Variants in POLQ observed in about 807,000 individuals in gnomAD.
The protein encoded by POLQ is DNA polymerase theta, also known as epididymis secretory sperm binding protein.
In POLQ, 233 loss-of-function variants were observed where a neutral mutation model predicts 259.2. The observed-to-expected ratio is 0.90, with a 90% CI of 0.81 to 1.00. The LOEUF is 1.00. Among genes scored for constraint, POLQ ranks in the 50% least tolerant of loss-of-function variants. The pLI, the probability that POLQ is intolerant of heterozygous loss-of-function variation, is 0.00. For synonymous variants in POLQ, 1,025 were observed against 1,048.8 expected, an observed-to-expected ratio of 0.98 and a Z score of 0.44; for missense variants, 2,871 against 3,051.6, an observed-to-expected ratio of 0.94 and a Z score of 1.39.
rs2048042175 is a variant in POLQ, at chr3:121,489,249, T to C, written c.3682A>G (p.Asn1228Asp). ...MPCEAVSSYI[N>D]RDSNVTINCE... ...TTGATAGTAACATTTGAGTCTCTATTTATGTAACTACTGACTGCTTCACAG... is the reference window on the plus strand; with the variant it reads ...TTGATAGTAACATTTGAGTCTCTATCTATGTAACTACTGACTGCTTCACAG... The change falls in exon 16 of 30, where the codon AAT becomes GAT. Residue 1228 changes from asparagine (N) to aspartate (D), a missense_variant. Around this residue, in one of 3 missense-constraint regions of POLQ, gnomAD observed 2,080 missense variants for 2,126.0 expected, o/e 0.98. Transcript: ENST00000264233. The C allele has an allele frequency of 6.2e-7, 1 of 1,612,822 alleles. No homozygotes were observed.
intron 25 of POLQ, among the ~76,000 whole-genome samples, chr3:121,455,244 G>A (rs2047723154): frequency 6.9e-6 from 1 of 144,060 alleles, no homozygotes; most frequent in South Asian, 2.4e-4. Context: ...TGTGTAGAGG[G>A]AAATTTATAG....
intron 4 of POLQ, among the ~76,000 whole-genome samples, chr3:121,537,452 T>C (rs1226993523): frequency 6.6e-6 from 1 of 152,202 alleles, no homozygotes; most frequent in Non-Finnish European, 1.5e-5. Flanking sequence ...TTTCAACCCT[T>C]GTTCCCTTCT....
intron 2 of POLQ, 138 bp downstream of exon 2, chr3:121,544,589 T>C (rs1576431994): frequency 8.7e-6 from 5 of 573,516 alleles, no homozygotes; most frequent in Admixed American, 3.5e-5. Context: ...AACTCCACTT[T>C]TCACACATAT....
At position 121,519,997 on chromosome 3, in the gene POLQ, A is replaced by G; in HGVS notation, c.1342T>C (p.Ser448Pro). The change falls in exon 9 of 30, where the codon TCT (serine) becomes CCT (proline). Residue 448 changes from serine to proline, a missense_variant. Physicochemically the swap from Ser to Pro is moderately conservative, Grantham distance 74. Around this residue, in one of 3 missense-constraint regions of POLQ, gnomAD observed 783 missense variants for 906.2 expected, o/e 0.86. Coordinates refer to ENST00000264233, the MANE Select transcript of POLQ (RefSeq NM_199420.4). ...CGACGTGCAGGTAAATTCACCCCAG[A>G]AGAAAGAGTAGAAGTTGCCGCCAAG... ...RVLAATSTLS[S>P]GVNLPARRVI... The G allele has an allele frequency of 1.9e-6, 3 of 1,613,378 alleles. No individual in the cohort carries two copies. Among genetic ancestry groups the G allele is most frequent in the Non-Finnish European group, 2.5e-6 (3 of 1,179,304 alleles).
In POLQ at chr3:121,485,039, A is replaced by ACC. The variant is rs1163589884; in HGVS notation, c.5773_5773+1dup. On this transcript the variant is annotated splice_donor_variant, in intron 17 of 29. Coordinates refer to ENST00000264233, the MANE Select transcript of POLQ (RefSeq NM_199420.4). LOFTEE classifies it high-confidence loss of function. The stretch of plus-strand genomic sequence containing the variant: ...TGACTTAGCCAAATACTCATTACTT[A>ACC]CCAGAATGCTTTTGTTCCTTCTGCA... 6.2e-7 allele frequency: 1 copy of ACC among 1,608,102 alleles called. No homozygotes were observed. The highest frequency in any genetic ancestry group is 8.5e-7 in the Non-Finnish European group (1 of 1,177,534).
At chr3:121,501,594 G>A (rs2048168689) in intron 12 of POLQ, among the ~76,000 whole-genome samples, 1 of 147,476 alleles carries the variant, frequency 6.8e-6, no homozygotes, top group African/African-American at 2.5e-5. Context: ...CCCGGGAGGC[G>A]GAGCTTGCAG....
intron 6 of POLQ, among the ~76,000 whole-genome samples, chr3:121,532,740 C>T (rs1003673234): frequency 9.9e-5 from 15 of 151,994 alleles, no homozygotes; most frequent in Admixed American, 2.0e-4. Context: ...CACATGTTGG[C>T]CATGATGGTC....
At chr3:121,531,112 G>A (rs112086020) in intron 6 of POLQ, among the ~76,000 whole-genome samples, 11 of 152,198 alleles carry the variant, frequency 7.2e-5, no homozygotes, top group Non-Finnish European at 1.3e-4. Context: ...ACTTGAACCC[G>A]GGAGGCGGAG....
At position 121,540,300 on chromosome 3, in the gene POLQ, T is replaced by A. The variant is rs554932365; in HGVS notation, c.475-711A>T. On this transcript the variant is annotated intron_variant, in intron 3 of 29. Transcript: ENST00000264233. ...TAACCCACAGGGCTAAGGGTTAACA[T>A]CCTAATTTTACAAATAAAAAAACTG... is the stretch of plus-strand genomic sequence containing the variant. 1.4e-4 allele frequency among the ~76,000 whole-genome samples: 22 copies of A among 152,310 alleles called. No individual in the cohort carries two copies. The South Asian group carries it at 4.3e-3, about 30-fold the overall frequency.
intron 4 of POLQ, among the ~76,000 whole-genome samples, chr3:121,537,746 A>T (rs73179919): frequency 6.6e-6 from 1 of 152,222 alleles, no homozygotes; most frequent in Non-Finnish European, 1.5e-5. Flanking sequence ...AGAGAAAAAC[A>T]AATGGGACCT....
At chr3:121,467,390 C>T in intron 24 of POLQ, 129 bp downstream of exon 24, 4 of 839,216 alleles carry the variant, frequency 4.8e-6, no homozygotes, top group Admixed American at 2.7e-5. Flanking sequence ...GAAAGGCAGG[C>T]TCCACCGTAG....
chr3:121,489,187 T>C lies in POLQ; in HGVS notation c.3744A>G (p.Lys1248=). Residue 1248 remains lysine (K), a synonymous_variant, in exon 16 of 30, where the codon AAA becomes AAG. Coordinates refer to ENST00000264233, the MANE Select transcript of POLQ (RefSeq NM_199420.4). ...CTCCTAATGCCTGAAAATGACTTGG[T>C]TTATTTTCCTCTGTATTAAGCTTTA... The part of the protein sequence containing the change: ...ERIKLNTEEN[K]PSHFQALGDD... 6.2e-7 allele frequency: 1 copy of C among 1,612,448 alleles called. No homozygotes were observed. Among genetic ancestry groups the C allele is most frequent in the Non-Finnish European group, 8.5e-7 (1 of 1,179,432 alleles).
Position 121,483,566 on chromosome 3 carries a change from C to T in POLQ, c.5790G>A (p.Leu1930=). The change falls in exon 18 of 30, where the codon TTG becomes TTA. Residue 1930 remains leucine (L), a synonymous_variant. Transcript: ENST00000264233. ...GGCTTGGATCTAAAGAAGGTGGAAC[C>T]AAACTGGCACTAATTTCTTTAAAAA... is the stretch of plus-strand genomic sequence containing the variant. ...EQKHSEISAS[L]VPPSLDPSLT... 6.7e-7 allele frequency: 1 copy of T among 1,485,122 alleles called. No homozygotes were observed. Among genetic ancestry groups the T allele is most frequent in the Non-Finnish European group, 8.9e-7 (1 of 1,118,554 alleles). The allele number at this position is 1,485,122 out of a possible 1,614,324, so 92.0% of individuals were successfully genotyped here.
In POLQ at chr3:121,539,486, C is replaced by T; in HGVS notation, c.578G>A (p.Arg193Lys). 6.2e-7 allele frequency: 1 copy of T among 1,613,448 alleles called. No homozygotes were observed. The highest frequency in any genetic ancestry group is 8.5e-7 in the Non-Finnish European group (1 of 1,179,458). The change falls in exon 4 of 30, where the codon AGA becomes AAA. Residue 193 changes from arginine to lysine, a missense_variant. Physicochemically the swap from Arg to Lys is conservative, Grantham distance 26 (BLOSUM62 2). This residue lies in a region of POLQ where 783 missense variants were observed against 906.2 expected (regional missense o/e 0.86). Coordinates refer to ENST00000264233, the MANE Select transcript of POLQ (RefSeq NM_199420.4). ...SLDIAVCTIE[R>K]ANGLINRLIE... ...GAGGCGATTGATCAGACCATTGGCT[C>T]TCTCAATTGTGCAGACTGCAATATC...
chr3:121,460,170 A>T lies in POLQ; in HGVS notation c.7032T>A (p.His2344Gln). The T allele has an allele frequency of 6.2e-7, 1 of 1,613,190 alleles. No homozygotes were observed. The highest frequency in any genetic ancestry group is 2.2e-5 in the East Asian group (1 of 44,872). The change falls in exon 25 of 30, where the codon CAT becomes CAA. Residue 2344 changes from histidine to glutamine, a missense_variant. Around this residue, in one of 3 missense-constraint regions of POLQ, gnomAD observed 2,080 missense variants for 2,126.0 expected, o/e 0.98. Coordinates refer to ENST00000264233, the MANE Select transcript of POLQ (RefSeq NM_199420.4). ...LELRILAHLS[H>Q]DRRLIQVLNT... ...TTAACACTTGAATGAGACGACGATC[A>T]TGGGATAAATGAGCCAAGATCCTCA...
intron 15 of POLQ, among the ~76,000 whole-genome samples, chr3:121,491,168 T>C (rs1032925711): frequency 6.6e-6 from 1 of 151,238 alleles, no homozygotes; most frequent in African/African-American, 2.4e-5. Context: ...GCCTGACCAA[T>C]ATGGTAAAAC....
At chr3:121,492,889 C>A (rs1311725994) in intron 15 of POLQ, among the ~76,000 whole-genome samples, 1 of 151,014 alleles carries the variant, frequency 6.6e-6, no homozygotes, top group Non-Finnish European at 1.5e-5. Context: ...CTCAAACAAT[C>A]AGCCTCAGCC....
intron 9 of POLQ, among the ~76,000 whole-genome samples, chr3:121,514,535 C>T (rs2048281112): frequency 6.6e-6 from 1 of 152,140 alleles, no homozygotes; most frequent in Non-Finnish European, 1.5e-5. Context: ...ATCCCCAGGG[C>T]TCATGGCTTC....
intron 25 of POLQ, among the ~76,000 whole-genome samples, chr3:121,450,837 C>T (rs1449820348): frequency 2.0e-5 from 3 of 152,032 alleles, no homozygotes; most frequent in Non-Finnish European, 4.4e-5. Context: ...TGTTGGGCTG[C>T]CTTGCTAGAT....
Sources: gnomAD v4.1 joint callset for allele counts (sites outside exome capture counted in the v4.1 genomes callset) on GRCh38, gnomAD v4.1.1 for gene constraint, gnomAD v4.1.1 regional missense constraint, MANE v1.5 for transcripts, NCBI Gene and HGNC (gene_info 2026-07-23, HGNC 2026-07-21) for gene names.